Variants in F13A1 observed in about 807,000 individuals in gnomAD.
F13A1 encodes FSF, A subunit.
A neutral mutation model predicts 80.1 loss-of-function variants in F13A1; 47 were observed. That is an observed-to-expected ratio of 0.59 (90% CI 0.46 to 0.75). The LOEUF is 0.75. Ranked by LOEUF, F13A1 falls within the 30% of genes least tolerant of loss-of-function variation. The pLI, the probability that F13A1 is intolerant of heterozygous loss-of-function variation, is 0.00. For synonymous variants in F13A1, 349 were observed against 344.9 expected (o/e 1.01, Z -0.13); for missense variants, 817 against 930.4 (o/e 0.88, Z 1.59).
chr6:6,275,003 G>T lies in F13A1; in HGVS notation c.320-8194C>A, dbSNP rs548875377. Among the ~76,000 whole-genome samples, 383 of 152,326 alleles carry T rather than the reference G, an allele frequency of 2.5e-3. 5 individuals carry two copies. The highest frequency in any genetic ancestry group is 8.6e-3 in the African/African-American group (358 of 41,574). On this transcript the variant is annotated intron_variant, in intron 3 of 14. Coordinates refer to ENST00000264870, the MANE Select transcript of F13A1 (RefSeq NM_000129.4). ...CGCTGTGCAAAGGTATGTAGAGTGT[G>T]TCCTAGGGAGGGGATGGAGATGGGG...
At chr6:6,225,928 G>A (rs930096357) in intron 6 of F13A1, among the ~76,000 whole-genome samples, 1 of 152,164 alleles carries the variant, frequency 6.6e-6, no homozygotes, top group Admixed American at 6.5e-5. Flanking sequence ...GGGATGTTAT[G>A]GTTTAAATAT....
At chr6:6,309,090 C>A (rs1758555311) in intron 2 of F13A1, among the ~76,000 whole-genome samples, 1 of 151,980 alleles carries the variant, frequency 6.6e-6, no homozygotes, top group Non-Finnish European at 1.5e-5. Flanking sequence ...ATCATTTTAA[C>A]CCCTAAGTAT....
intron 12 of F13A1, among the ~76,000 whole-genome samples, chr6:6,173,493 C>T (rs1036281326): frequency 4.0e-5 from 6 of 151,660 alleles, no homozygotes; most frequent in East Asian, 1.9e-4. Context: ...CTGCAACCTC[C>T]GCCTCCCGGG....
intron 3 of F13A1, among the ~76,000 whole-genome samples, chr6:6,304,780 T>C (rs1475494116): frequency 2.7e-5 from 4 of 149,724 alleles, no homozygotes; most frequent in Non-Finnish European, 5.9e-5. Context: ...CCAGAATCGC[T>C]TGAACCTAGG....
chr6:6,302,369 A>G (rs538487419), intron 3 of F13A1, among the ~76,000 whole-genome samples: 1 of 152,302 alleles, frequency 6.6e-6, no homozygotes, highest in Admixed American at 6.5e-5. Flanking sequence ...AGCCCACTAC[A>G]CACCTAGGCT....
Position 6,305,538 on chromosome 6 carries a change from C to G in F13A1, c.132G>C (p.Glu44Asp), listed in dbSNP as rs148065753. Residue 44 changes from glutamate to aspartate, a missense_variant and splice_region_variant, in exon 3 of 15, where the codon GAG becomes GAC. By Grantham distance (45) the Glu-to-Asp change is conservative. Transcript: ENST00000264870. The part of the protein sequence containing the change: ...GVVPRGVNLQ[E>D]FLNVTSVHLF... ...GGTGAACGCTCGTGACATTAAGAAA[C>G]TCTATGAACAAGAAAAACAAGGGTT... is the stretch of plus-strand genomic sequence containing the variant. The G allele has an allele frequency of 6.2e-7, 1 of 1,614,142 alleles. No homozygotes were observed. Among genetic ancestry groups the G allele is most frequent in the Non-Finnish European group, 8.5e-7 (1 of 1,179,994 alleles).
intron 3 of F13A1, among the ~76,000 whole-genome samples, chr6:6,267,384 C>T (rs1757859530): frequency 6.6e-6 from 1 of 152,178 alleles, no homozygotes; most frequent in Admixed American, 6.5e-5. Flanking sequence ...CTCTTGAAGA[C>T]TCATGGGACT....
chr6:6,281,771 A>G (rs1583109047), intron 3 of F13A1, among the ~76,000 whole-genome samples: 2 of 152,184 alleles, frequency 1.3e-5, no homozygotes, highest in East Asian at 3.9e-4. Flanking sequence ...AGGCAGGCAG[A>G]TCACGAGGTC....
chr6:6,276,117 TGACA>T (rs1373572795), intron 3 of F13A1, among the ~76,000 whole-genome samples: 1 of 152,224 alleles, frequency 6.6e-6, no homozygotes, highest in Non-Finnish European at 1.5e-5. Flanking sequence ...CTCCACCTAT[TGACA>T]GACTGGCTGT....
At chr6:6,283,293 G>T (rs776251868) in intron 3 of F13A1, among the ~76,000 whole-genome samples, 1 of 152,224 alleles carries the variant, frequency 6.6e-6, no homozygotes, top group Non-Finnish European at 1.5e-5. Flanking sequence ...CTAAAGACAT[G>T]AGACATGACA....
At chr6:6,172,856 C>T (rs527331256) in intron 12 of F13A1, among the ~76,000 whole-genome samples, 1 of 152,154 alleles carries the variant, frequency 6.6e-6, no homozygotes, top group Non-Finnish European at 1.5e-5. Context: ...AATAGTTTCT[C>T]ATTTTTCTGG....
intron 3 of F13A1, among the ~76,000 whole-genome samples, chr6:6,300,631 T>C (rs112905248): frequency 0.055 from 8,424 of 152,114 alleles, 603 homozygotes; most frequent in African/African-American, 0.17. Context: ...CACTGACTTG[T>C]GCCCACTGTG....
intron 14 of F13A1, among the ~76,000 whole-genome samples, chr6:6,150,234 C>G (rs565958573): frequency 7.2e-5 from 11 of 152,156 alleles, no homozygotes; most frequent in African/African-American, 2.4e-4. Context: ...TTTGCCTGAA[C>G]GATTCTTGCA....
chr6:6,295,501 G>A lies in F13A1; in HGVS notation c.319+9850C>T, dbSNP rs1222274552. 8.8e-4 allele frequency among the ~76,000 whole-genome samples: 130 copies of A among 147,446 alleles called. 6 individuals carry two copies. The highest frequency in any genetic ancestry group is 3.3e-3 in the African/African-American group (126 of 37,916). On this transcript the variant is annotated intron_variant, in intron 3 of 14. Transcript: ENST00000264870. The stretch of plus-strand genomic sequence containing the variant: ...TGCATTTCTCTGATGGCCAGTGATG[G>A]TGAGCATTTTTTCATGTGTTTTTTG...
At chr6:6,205,236 A>G (rs1291062827) in intron 8 of F13A1, among the ~76,000 whole-genome samples, 1 of 152,222 alleles carries the variant, frequency 6.6e-6, no homozygotes, top group Admixed American at 6.5e-5. Flanking sequence ...AGAGACCTCA[A>G]TGGAGGGGGT....
At chr6:6,215,192 C>T (rs1457356313) in intron 8 of F13A1, among the ~76,000 whole-genome samples, 3 of 132,752 alleles carry the variant, frequency 2.3e-5, no homozygotes, top group African/African-American at 8.1e-5. Context: ...AGGCCAGCAT[C>T]ATCCTGATAC....
intron 12 of F13A1, among the ~76,000 whole-genome samples, chr6:6,172,503 T>G (rs1760794534): frequency 6.6e-6 from 1 of 151,114 alleles, no homozygotes; most frequent in South Asian, 2.1e-4. Context: ...TGGAGTGCAG[T>G]GGCACGATCT....
chr6:6,199,278 A>G (rs1433867991), intron 8 of F13A1, among the ~76,000 whole-genome samples: 5 of 152,168 alleles, frequency 3.3e-5, no homozygotes, highest in Non-Finnish European at 5.9e-5. Context: ...TCACGAGGTC[A>G]GGAGATCGAG....
chr6:6,264,476 T>G (rs1021519677), intron 4 of F13A1, among the ~76,000 whole-genome samples: 1 of 152,206 alleles, frequency 6.6e-6, no homozygotes, highest in Non-Finnish European at 1.5e-5. Context: ...TTCCATCTCA[T>G]TCTCTTTTGC....
Sources: gnomAD v4.1 joint callset for allele counts (sites outside exome capture counted in the v4.1 genomes callset) on GRCh38, gnomAD v4.1.1 for gene constraint, MANE v1.5 for transcripts, NCBI Gene and HGNC (gene_info 2026-07-23, HGNC 2026-07-21) for gene names.